Variants in PTPRT observed in about 807,000 individuals in gnomAD.
The protein encoded by PTPRT is protein tyrosine phosphatase receptor type T.
A neutral mutation model predicts 176.8 loss-of-function variants in PTPRT; 56 were observed. The ratio of observed to expected loss-of-function variants is 0.32; its 90% CI spans 0.26 to 0.40. PTPRT has a LOEUF of 0.40. PTPRT is among the 10% of genes least tolerant of loss of function. The probability of loss-of-function intolerance (pLI) is 1.00; values close to 1 mark genes in which losing one functional copy is unlikely to be tolerated. For synonymous variants in PTPRT, 783 were observed against 739.0 expected, an observed-to-expected ratio of 1.06 and a Z score of -0.96; for missense variants, 1,540 against 1,908.2, an observed-to-expected ratio of 0.81 and a Z score of 3.60.
chr20:42,264,494 C>G (rs184959023), intron 13 of PTPRT, among the ~76,000 whole-genome samples: 2 of 152,332 alleles, frequency 1.3e-5, no homozygotes, highest in Admixed American at 6.5e-5. Context: ...TTGCCCAGAA[C>G]AGCTGAGGAG....
chr20:42,663,058 G>A (rs554750444), intron 7 of PTPRT, among the ~76,000 whole-genome samples: 50 of 152,048 alleles, frequency 3.3e-4, no homozygotes, highest in African/African-American at 1.2e-3. Context: ...TGGCATGTCT[G>A]TCTCTGTACC....
chr20:42,628,960 G>A (rs1297811857), intron 7 of PTPRT, among the ~76,000 whole-genome samples: 1 of 152,094 alleles, frequency 6.6e-6, no homozygotes, highest in African/African-American at 2.4e-5. Context: ...GAAAGTAGCA[G>A]AGTCAAAGAT....
At position 42,161,984 on chromosome 20, in the gene PTPRT, A is replaced by G. The variant is rs757924539; in HGVS notation, c.2492-442T>C. Among the ~76,000 whole-genome samples, 7 of 152,224 alleles carry G rather than the reference A, an allele frequency of 4.6e-5. No individual in the cohort carries two copies. The East Asian group carries it at 1.4e-3, about 29-fold the overall frequency. ...CCTCAGGTACTCGAAGATTGGAGTC[A>G]CATGTATAATTCTGGTCTATTTGCC... On this transcript the variant is annotated intron_variant, in intron 16 of 30. Transcript: ENST00000373187.
At chr20:42,122,362 T>C (rs1186553331) in intron 19 of PTPRT, among the ~76,000 whole-genome samples, 1 of 152,192 alleles carries the variant, frequency 6.6e-6, no homozygotes, top group East Asian at 1.9e-4. Context: ...TAAAAGTGTA[T>C]GCAGGCCTCT....
chr20:42,797,490 C>T (rs1428818652), intron 2 of PTPRT, among the ~76,000 whole-genome samples: 1 of 152,114 alleles, frequency 6.6e-6, no homozygotes, highest in Admixed American at 6.5e-5. Flanking sequence ...GAGCCTTACA[C>T]ATCCTGACCC....
chr20:43,039,364 AAAC>A (rs59586141), intron 1 of PTPRT, among the ~76,000 whole-genome samples: 48,021 of 151,694 alleles, frequency 0.32, 10,506 homozygotes, highest in African/African-American at 0.62. Flanking sequence ...GATAAAAAAA[AAAC>A]CACAAAATCT....
chr20:42,847,110 C>T (rs1442384252), intron 2 of PTPRT, among the ~76,000 whole-genome samples: 1 of 152,086 alleles, frequency 6.6e-6, no homozygotes, highest in Non-Finnish European at 1.5e-5. Flanking sequence ...TGGGCATGTT[C>T]GAATGAGGAG....
chr20:42,977,717 A>AT (rs1406915745), intron 1 of PTPRT, among the ~76,000 whole-genome samples: 13 of 152,206 alleles, frequency 8.5e-5, no homozygotes, highest in African/African-American at 3.1e-4. Context: ...TGTAATTATC[A>AT]TTTTTTACAT....
intron 7 of PTPRT, among the ~76,000 whole-genome samples, chr20:42,551,774 C>G (rs940045902): frequency 6.6e-6 from 1 of 152,158 alleles, no homozygotes; most frequent in Non-Finnish European, 1.5e-5. Flanking sequence ...CTTCACCTAC[C>G]TAGGTTTTCC....
chr20:42,489,272 ACTTTC>A (rs1437223254), intron 7 of PTPRT, among the ~76,000 whole-genome samples: 2 of 151,980 alleles, frequency 1.3e-5, no homozygotes, highest in Non-Finnish European at 2.9e-5. Flanking sequence ...GTCAGGTTGT[ACTTTC>A]CTTTGAAGTT....
In PTPRT at chr20:42,377,679, AC is replaced by A. The variant is rs1343369583; in HGVS notation, c.1561-25395del. On this transcript the variant is annotated intron_variant, in intron 9 of 30. Coordinates refer to ENST00000373187, the MANE Select transcript of PTPRT (RefSeq NM_007050.6). ...AACCTCAACCTAACAAACGACCTCA[AC>A]CTAAAATCCTGTGCTTCCGGTTGTG... Among the ~76,000 whole-genome samples, 13 of 152,212 alleles carry A rather than the reference AC, an allele frequency of 8.5e-5. 1 individual carries two copies. Among genetic ancestry groups the A allele is most frequent in the Non-Finnish European group, 4.4e-5 (3 of 68,004 alleles).
intron 16 of PTPRT, among the ~76,000 whole-genome samples, chr20:42,184,509 C>A (rs1432880954): frequency 5.4e-5 from 5 of 92,710 alleles, no homozygotes; most frequent in African/African-American, 1.9e-4. Flanking sequence ...CCTTCCTCCT[C>A]CTCCTCCTCC....
intron 11 of PTPRT, among the ~76,000 whole-genome samples, chr20:42,334,817 C>G (rs1392531062): frequency 6.6e-6 from 1 of 152,162 alleles, no homozygotes; most frequent in Non-Finnish European, 1.5e-5. Context: ...ATAATAATGC[C>G]TCCATCATTT....
At chr20:42,366,714 T>C (rs562208131) in intron 9 of PTPRT, among the ~76,000 whole-genome samples, 6 of 152,362 alleles carry the variant, frequency 3.9e-5, no homozygotes, top group South Asian at 2.1e-4. Context: ...ACTGGAGTCA[T>C]AGAAGACTGC....
chr20:42,087,491 C>A (rs369104728), intron 27 of PTPRT, among the ~76,000 whole-genome samples: 1 of 151,704 alleles, frequency 6.6e-6, no homozygotes, highest in Non-Finnish European at 1.5e-5. Flanking sequence ...TCGTGATCCA[C>A]CCACCTTGGC....
intron 16 of PTPRT, among the ~76,000 whole-genome samples, chr20:42,197,587 A>G (rs930684027): frequency 6.6e-6 from 1 of 151,956 alleles, no homozygotes; most frequent in Non-Finnish European, 1.5e-5. Context: ...GGTATATTAG[A>G]TCACTGAAGT....
chr20:42,241,116 G>A (rs1387925665), intron 14 of PTPRT, among the ~76,000 whole-genome samples: 2 of 152,278 alleles, frequency 1.3e-5, no homozygotes, highest in African/African-American at 4.8e-5. Flanking sequence ...AATCCAGGGA[G>A]TCTGATTTAA....
At chr20:42,204,606 C>T (rs1447720290) in intron 15 of PTPRT, among the ~76,000 whole-genome samples, 1 of 152,180 alleles carries the variant, frequency 6.6e-6, no homozygotes, top group Non-Finnish European at 1.5e-5. Context: ...CGAGGTGACG[C>T]GGCCATAGCT....
chr20:43,178,273 A>C (rs975466328), intron 1 of PTPRT, among the ~76,000 whole-genome samples: 1 of 152,230 alleles, frequency 6.6e-6, no homozygotes, highest in South Asian at 2.1e-4. Context: ...AACTGGAGCC[A>C]GCTGAGACAC....
Sources: gnomAD v4.1 joint callset for allele counts (sites outside exome capture counted in the v4.1 genomes callset) on GRCh38, gnomAD v4.1.1 for gene constraint, MANE v1.5 for transcripts, NCBI Gene and HGNC (gene_info 2026-07-23, HGNC 2026-07-21) for gene names.